UPP2: variants seen among roughly 807,000 people sequenced by gnomAD.
UPP2 encodes the protein UPase 2.
Under a neutral mutation model 26.7 loss-of-function variants are expected in UPP2, and 23 were observed. The observed-to-expected ratio is 0.86, with a 90% CI of 0.62 to 1.22. UPP2 has a LOEUF of 1.22. Ranked by LOEUF, UPP2 falls within the 50% of genes most tolerant of loss-of-function variation. The pLI, the probability that UPP2 is intolerant of heterozygous loss-of-function variation, is 0.00. For synonymous variants in UPP2, 127 were observed against 141.3 expected (o/e 0.90, Z 0.72); for missense variants, 387 against 396.7 (o/e 0.98, Z 0.21).
chr2:158,127,139 T>C (rs1200853641), intron 6 of UPP2, among the ~76,000 whole-genome samples: 2 of 152,204 alleles, frequency 1.3e-5, no homozygotes, highest in African/African-American at 4.8e-5. Flanking sequence ...TTATTATCTT[T>C]GCAGTTAGTA....
chr2:158,076,507 T>C (rs1359077567), intron 3 of UPP2, among the ~76,000 whole-genome samples: 1 of 152,118 alleles, frequency 6.6e-6, no homozygotes, highest in African/African-American at 2.4e-5. Flanking sequence ...GATGCAAGGA[T>C]GGTTCAACAT....
chr2:158,106,654 T>C (rs1197620163), intron 2 of UPP2, among the ~76,000 whole-genome samples: 1 of 152,178 alleles, frequency 6.6e-6, no homozygotes, highest in Non-Finnish European at 1.5e-5. Flanking sequence ...CATTATCTAA[T>C]ATTTCATATT....
At chr2:158,039,263 A>G (rs1347045857) in intron 3 of UPP2, among the ~76,000 whole-genome samples, 1 of 152,180 alleles carries the variant, frequency 6.6e-6, no homozygotes, top group Non-Finnish European at 1.5e-5. Flanking sequence ...CTTTCAACTA[A>G]AAGTCAGGAG....
chr2:158,019,348 G>T (rs116780676), intron 3 of UPP2, among the ~76,000 whole-genome samples: 1,853 of 152,204 alleles, frequency 0.012, 16 homozygotes, highest in Non-Finnish European at 0.017. Context: ...AACCTGGAGA[G>T]ATATACAGAT....
At chr2:158,062,121 T>C (rs1187082248) in intron 3 of UPP2, among the ~76,000 whole-genome samples, 4 of 152,386 alleles carry the variant, frequency 2.6e-5, no homozygotes, top group Non-Finnish European at 5.9e-5. Flanking sequence ...ACATATTTAC[T>C]TGTAAGCCCT....
chr2:158,097,379 C>A (rs13395544), upstream of UPP2, among the ~76,000 whole-genome samples: 4,513 of 149,654 alleles, frequency 0.03, 196 homozygotes, highest in African/African-American at 0.093. Flanking sequence ...GTTTCTCTCT[C>A]TATATATATA....
chr2:158,117,326 C>T (rs1350804117), intron 3 of UPP2, among the ~76,000 whole-genome samples: 4 of 151,944 alleles, frequency 2.6e-5, no homozygotes. Context: ...GGAATCTAAC[C>T]CACGTTTCTA....
At chr2:158,060,568 A>G (rs1682336605) in intron 3 of UPP2, among the ~76,000 whole-genome samples, 1 of 152,218 alleles carries the variant, frequency 6.6e-6, no homozygotes, top group South Asian at 2.1e-4. Context: ...CAAAATTCCA[A>G]GAAGTCAGCA....
chr2:158,125,165 G>A (rs1020914598), intron 6 of UPP2, among the ~76,000 whole-genome samples: 5 of 152,144 alleles, frequency 3.3e-5, no homozygotes, highest in African/African-American at 9.7e-5. Context: ...AAGAATTACA[G>A]CACAATAAAG....
At chr2:158,054,385 G>GTTT (rs71404330) in intron 3 of UPP2, among the ~76,000 whole-genome samples, 5 of 139,030 alleles carry the variant, frequency 3.6e-5, no homozygotes, top group Admixed American at 6.9e-5. Flanking sequence ...TTATTTTGAG[G>GTTT]TTTTTTTTTT....
intron 3 of UPP2, among the ~76,000 whole-genome samples, chr2:158,089,102 G>A (rs1342201923): frequency 1.8e-4 from 28 of 152,110 alleles, no homozygotes. Flanking sequence ...AGACCATCAG[G>A]TGGGGGCAGG....
chr2:158,099,169 A>G (rs1388226783), upstream of UPP2, among the ~76,000 whole-genome samples: 1 of 152,236 alleles, frequency 6.6e-6, no homozygotes, highest in Non-Finnish European at 1.5e-5. Context: ...TGTGGAAGAA[A>G]AGAAGCAAGA....
In UPP2 at chr2:158,128,207, T is replaced by C. The variant is rs575847238; in HGVS notation, c.811+4312T>C. Among the ~76,000 whole-genome samples, 6 of 152,330 alleles carry C rather than the reference T, an allele frequency of 3.9e-5. No homozygotes were observed. The South Asian group carries it at 1.2e-3, about 32-fold the overall frequency. On this transcript the variant is annotated intron_variant, in intron 6 of 6. Transcript: ENST00000005756. ...AGTGGCTTTTCTTTAAAGAATTCAG[T>C]GTTATTTCCTTGGACAGACACTGGT... is the stretch of plus-strand genomic sequence containing the variant.
At chr2:158,021,084 A>C (rs1683743703) in intron 3 of UPP2, among the ~76,000 whole-genome samples, 1 of 152,162 alleles carries the variant, frequency 6.6e-6, no homozygotes, top group South Asian at 2.1e-4. Context: ...CCTTCTCAAG[A>C]TGACGCTTTT....
chr2:158,063,122 T>C (rs1411463968), intron 3 of UPP2, among the ~76,000 whole-genome samples: 1 of 152,204 alleles, frequency 6.6e-6, no homozygotes, highest in Non-Finnish European at 1.5e-5. Flanking sequence ...GATTTAACTT[T>C]TTTTTCTGAA....
rs898405816 is a variant in UPP2, at chr2:158,110,705, T to G, written c.181-4396T>G. Among the ~76,000 whole-genome samples, 13 of 152,296 alleles carry G rather than the reference T, an allele frequency of 8.5e-5. No individual in the cohort carries two copies. In the South Asian group the frequency reaches 1.5e-3, roughly 17 times the overall value. On this transcript the variant is annotated intron_variant, in intron 2 of 6. Coordinates refer to ENST00000005756, the MANE Select transcript of UPP2 (RefSeq NM_173355.4). ...TTTCCTGACTTTTTAATGATTGCCA[T>G]TCTAACTGGTGTGAGATGGTATCTC...
chr2:158,061,255 G>T (rs938247340), intron 3 of UPP2, among the ~76,000 whole-genome samples: 1 of 152,178 alleles, frequency 6.6e-6, no homozygotes, highest in Non-Finnish European at 1.5e-5. Context: ...GAAGCCCAGG[G>T]TAGTTAGAGG....
intron 3 of UPP2, among the ~76,000 whole-genome samples, chr2:158,033,788 T>C (rs536951825): frequency 7.7e-4 from 117 of 152,328 alleles, no homozygotes; most frequent in African/African-American, 2.8e-3. Flanking sequence ...CACTGGACTT[T>C]AGCACAAATC....
intron 3 of UPP2, among the ~76,000 whole-genome samples, chr2:158,091,943 T>C (rs892339953): frequency 6.6e-5 from 10 of 152,270 alleles, no homozygotes; most frequent in Middle Eastern, 3.4e-3. Context: ...CATAGTTATA[T>C]GGAATAGGGT....
Sources: allele counts gnomAD v4.1 joint callset (sites outside exome capture counted in the v4.1 genomes callset), GRCh38; gene constraint gnomAD v4.1.1; transcripts MANE v1.5; gene names NCBI Gene and HGNC (gene_info 2026-07-23, HGNC 2026-07-21).